The following CDYL2 variants were observed in gnomAD, a reference collection of about 807,000 sequenced individuals.
The protein encoded by CDYL2 is chromodomain Y like 2.
Under a neutral mutation model 49.4 loss-of-function variants are expected in CDYL2, and 23 were observed. The observed-to-expected ratio is 0.47, with a 90% CI of 0.34 to 0.66. The LOEUF (loss-of-function observed/expected upper bound fraction) is 0.66. Ranked by LOEUF, CDYL2 falls within the 30% of genes least tolerant of loss-of-function variation. The pLI, the probability that CDYL2 is intolerant of heterozygous loss-of-function variation, is 0.01. For synonymous variants in CDYL2, 360 were observed against 268.8 expected, an observed-to-expected ratio of 1.34 and a Z score of -3.32; for missense variants, 678 against 656.4, an observed-to-expected ratio of 1.03 and a Z score of -0.36.
At chr16:80,750,608 A>G (rs1436496140) in intron 1 of CDYL2, among the ~76,000 whole-genome samples, 1 of 152,216 alleles carries the variant, frequency 6.6e-6, no homozygotes, top group Non-Finnish European at 1.5e-5. Context: ...ATATATTATC[A>G]AAATTATTAG....
At chr16:80,648,781 A>G (rs886696846) in intron 2 of CDYL2, among the ~76,000 whole-genome samples, 9 of 152,078 alleles carry the variant, frequency 5.9e-5, no homozygotes, top group African/African-American at 2.2e-4. Context: ...GAATTCAACA[A>G]TATGTCAAAA....
At chr16:80,791,756 T>C (rs923697670) in intron 1 of CDYL2, among the ~76,000 whole-genome samples, 10 of 151,876 alleles carry the variant, frequency 6.6e-5, no homozygotes, top group South Asian at 2.1e-4. Flanking sequence ...ACCAGAGAAA[T>C]AGGAGGAGGT....
chr16:80,757,834 G>C (rs1461525037), intron 1 of CDYL2, among the ~76,000 whole-genome samples: 2 of 151,886 alleles, frequency 1.3e-5, no homozygotes, highest in Admixed American at 6.6e-5. Flanking sequence ...AAGCCAATTG[G>C]CCTATTATAA....
At chr16:80,637,658 T>C (rs1907899073) in intron 2 of CDYL2, among the ~76,000 whole-genome samples, 1 of 135,430 alleles carries the variant, frequency 7.4e-6, no homozygotes, top group Admixed American at 7.4e-5. Context: ...TTGATGTTTT[T>C]TAAAAAAATA....
rs1324822268 is a variant in CDYL2, at chr16:80,600,172, T to C, written c.*4216A>G. 1.3e-5 allele frequency: 2 copies of C among 152,190 alleles called. No homozygotes were observed. Among genetic ancestry groups the C allele is most frequent in the African/African-American group, 4.8e-5 (2 of 41,450 alleles). 9.4% of individuals were successfully genotyped at this position (152,190 alleles called of 1,614,324 possible). ...TTCACAAATTCAATACATTTTGAAA[T>C]TATACTTCAAACGCAATTACTTCGA... On this transcript the variant is annotated 3_prime_UTR_variant, in exon 7 of 7. Coordinates refer to ENST00000570137, the MANE Select transcript of CDYL2 (RefSeq NM_152342.4).
At chr16:80,715,368 C>A (rs1318711239) in intron 1 of CDYL2, among the ~76,000 whole-genome samples, 1 of 152,118 alleles carries the variant, frequency 6.6e-6, no homozygotes, top group Non-Finnish European at 1.5e-5. Context: ...ACCAACAATA[C>A]CCCAACTAAT....
intron 3 of CDYL2, among the ~76,000 whole-genome samples, chr16:80,630,641 C>G (rs974347704): frequency 6.6e-6 from 1 of 152,088 alleles, no homozygotes; most frequent in Non-Finnish European, 1.5e-5. Context: ...GCTTCTGTTA[C>G]AGGCGGAGGA....
chr16:80,684,932 G>C lies in CDYL2; in HGVS notation c.222C>G (p.Thr74=). 3 of 1,613,756 alleles carry C rather than the reference G, an allele frequency of 1.9e-6. No individual in the cohort carries two copies. Among genetic ancestry groups the C allele is most frequent in the Non-Finnish European group, 2.5e-6 (3 of 1,179,630 alleles). ...CTCGACTGTCACGCAGCAGCTTGGA[G>C]GTACTGGACTGCTTCCCTGACTTGA... is the stretch of plus-strand genomic sequence containing the variant. ...KRIKSGKQSS[T]SKLLRDSRGP... The change falls in exon 2 of 7, where the codon ACC becomes ACG. Residue 74 remains threonine, a synonymous_variant. Transcript: ENST00000570137.
intron 1 of CDYL2, among the ~76,000 whole-genome samples, chr16:80,691,711 A>G (rs1192157909): frequency 1.3e-5 from 2 of 152,236 alleles, no homozygotes; most frequent in Non-Finnish European, 2.9e-5. Context: ...ACTACTGTAT[A>G]TTTTTGAATA....
intron 1 of CDYL2, among the ~76,000 whole-genome samples, chr16:80,801,042 A>T (rs1268041405): frequency 6.6e-6 from 1 of 152,238 alleles, no homozygotes; most frequent in East Asian, 1.9e-4. Context: ...TCTACCATTG[A>T]GCCAAGTCAA....
rs569936012 is a variant in CDYL2 at position 80,757,544 on chromosome 16, A to C, written c.24+46606T>G. 1.0e-4 allele frequency among the ~76,000 whole-genome samples: 15 copies of C among 145,918 alleles called. 1 individual carries two copies. The South Asian group carries it at 3.2e-3, about 31-fold the overall frequency. ...ACAGAGCAAGACTCTGTCTCAAAAA[A>C]AAAAAAAAAATATATATATATATAC... On this transcript the variant is annotated intron_variant, in intron 1 of 6. Coordinates refer to ENST00000570137, the MANE Select transcript of CDYL2 (RefSeq NM_152342.4).
At chr16:80,633,292 G>C in intron 2 of CDYL2, 56 bp from the exon 3 acceptor site, 2 of 1,543,038 alleles carry the variant, frequency 1.3e-6, no homozygotes, top group East Asian at 2.3e-5. Flanking sequence ...ATCCTAGAAG[G>C]ATGTGATCAG....
intron 6 of CDYL2, among the ~76,000 whole-genome samples, chr16:80,607,040 C>T (rs1906369200): frequency 6.6e-6 from 1 of 152,214 alleles, no homozygotes; most frequent in Admixed American, 6.5e-5. Context: ...TTTCAGTCCT[C>T]ACACCAGGAG....
At chr16:80,741,641 A>C (rs1905739155) in intron 1 of CDYL2, among the ~76,000 whole-genome samples, 2 of 152,230 alleles carry the variant, frequency 1.3e-5, no homozygotes, top group African/African-American at 4.8e-5. Context: ...AAATAAAACA[A>C]AAGATATTTA....
chr16:80,666,662 A>T (rs962592704), intron 2 of CDYL2, among the ~76,000 whole-genome samples: 1 of 152,170 alleles, frequency 6.6e-6, no homozygotes, highest in Non-Finnish European at 1.5e-5. Context: ...GCTTTCCAGG[A>T]CATGTTACCA....
chr16:80,631,665 C>T (rs1907568502), intron 3 of CDYL2, among the ~76,000 whole-genome samples: 1 of 152,104 alleles, frequency 6.6e-6, no homozygotes, highest in South Asian at 2.1e-4. Context: ...TAAGGCCTTA[C>T]TATCTAGAGT....
At chr16:80,698,667 T>C (rs555405337) in intron 1 of CDYL2, among the ~76,000 whole-genome samples, 1 of 152,196 alleles carries the variant, frequency 6.6e-6, no homozygotes, top group African/African-American at 2.4e-5. Flanking sequence ...GATCTGATTG[T>C]TTCAAAGTAT....
intron 2 of CDYL2, among the ~76,000 whole-genome samples, chr16:80,635,175 C>A (rs551163719): frequency 6.6e-6 from 1 of 152,314 alleles, no homozygotes; most frequent in African/African-American, 2.4e-5. Context: ...ATGTGATCCA[C>A]CACATCAATA....
Position 80,602,177 on chromosome 16 carries a change from C to T in CDYL2, c.*2211G>A, listed in dbSNP as rs1597115708. On this transcript the variant is annotated 3_prime_UTR_variant, in exon 7 of 7. Coordinates refer to ENST00000570137, the MANE Select transcript of CDYL2 (RefSeq NM_152342.4). ...AAGGGTTTTGGAAAGCTCACATTTG[C>T]TTTCTCAAAGGAGGAGATAAGATCC... 6.6e-6 allele frequency: 1 copy of T among 152,326 alleles called. No homozygotes were observed. The highest frequency in any genetic ancestry group is 1.9e-4 in the East Asian group (1 of 5,184). 9.4% of individuals were successfully genotyped at this position (152,326 alleles called of 1,614,324 possible).
Sources: gnomAD v4.1 joint callset for allele counts (sites outside exome capture counted in the v4.1 genomes callset) on GRCh38, gnomAD v4.1.1 for gene constraint, MANE v1.5 for transcripts, NCBI Gene and HGNC (gene_info 2026-07-23, HGNC 2026-07-21) for gene names.